Variants in CEACAM6 observed in about 807,000 individuals in gnomAD.
CEACAM6 encodes CEA cell adhesion molecule 6.
CEACAM6 carries 21 observed loss-of-function variants against 32.4 expected under a neutral mutation model. That is an observed-to-expected ratio of 0.65 (90% CI 0.46 to 0.93). The LOEUF (loss-of-function observed/expected upper bound fraction) is 0.93, where lower values mean the gene tolerates loss of function less well. Ranked by LOEUF, CEACAM6 falls within the 40% of genes least tolerant of loss-of-function variation. CEACAM6 has a pLI of 0.00. For synonymous variants in CEACAM6, 184 were observed against 174.4 expected, an observed-to-expected ratio of 1.06 and a Z score of -0.43; for missense variants, 406 against 432.2, an observed-to-expected ratio of 0.94 and a Z score of 0.54.
chr19:41,763,638 G>A (rs943049882), intron 4 of CEACAM6, among the ~76,000 whole-genome samples: 4 of 152,148 alleles, frequency 2.6e-5, no homozygotes, highest in African/African-American at 4.8e-5. Flanking sequence ...CCCTCAGATC[G>A]TTGTGCATCC....
chr19:41,762,566 C>A (rs1290585315), intron 4 of CEACAM6, among the ~76,000 whole-genome samples: 1 of 152,176 alleles, frequency 6.6e-6, no homozygotes, highest in Non-Finnish European at 1.5e-5. Context: ...CTGTCACCAA[C>A]AATTCCCTTT....
At chr19:41,767,790 T>C (rs1313131226) in intron 5 of CEACAM6, among the ~76,000 whole-genome samples, 2 of 152,184 alleles carry the variant, frequency 1.3e-5, no homozygotes, top group African/African-American at 4.8e-5. Context: ...CTATACTTTG[T>C]TGGCCTAATT....
chr19:41,761,526 C>T lies in CEACAM6; in HGVS notation c.702C>T (p.Leu234=). Residue 234 remains leucine (L), a splice_region_variant and synonymous_variant, in exon 3 of 6, where the codon CTC becomes CTT. Transcript: ENST00000199764. ...GTGACCCAGTCACCCTGAATGTCCTCTGTGAGTATCTTCTGTTCCTCTGTG... is the reference window on the plus strand; with the variant it reads ...GTGACCCAGTCACCCTGAATGTCCTTTGTGAGTATCTTCTGTTCCTCTGTG... The part of the protein sequence containing the change: ...NRSDPVTLNV[L]YGPDVPTISP... The T allele has an allele frequency of 1.2e-6, 2 of 1,613,912 alleles. No individual in the cohort carries two copies. The highest frequency in any genetic ancestry group is 1.7e-6 in the Non-Finnish European group (2 of 1,179,818).
intron 5 of CEACAM6, among the ~76,000 whole-genome samples, chr19:41,769,722 A>G (rs1482656363): frequency 1.8e-5 from 2 of 111,816 alleles, no homozygotes; most frequent in Non-Finnish European, 4.5e-5. Flanking sequence ...CAAAAAATAT[A>G]GTTATTAATA....
chr19:41,761,498 G>A lies in CEACAM6; in HGVS notation c.674G>A (p.Arg225His), dbSNP rs144169216. 296 of 1,614,154 alleles carry A rather than the reference G, an allele frequency of 1.8e-4. 3 individuals are homozygous for A. In the Middle Eastern group the frequency reaches 7.9e-3, roughly 43 times the overall value. Residue 225 changes from arginine to histidine, a missense_variant, in exon 3 of 6, where the codon CGC (arginine) becomes CAC (histidine). Arg to His is a conservative substitution (Grantham distance 29). Coordinates refer to ENST00000199764, the MANE Select transcript of CEACAM6 (RefSeq NM_002483.7). The part of the protein sequence containing the change: ...CEIQNPASAN[R>H]SDPVTLNVLY... ...ATACAGAACCCAGCGAGTGCCAACC[G>A]CAGTGACCCAGTCACCCTGAATGTC...
chr19:41,769,316 T>G (rs2072978052), intron 5 of CEACAM6, among the ~76,000 whole-genome samples: 2 of 152,160 alleles, frequency 1.3e-5, no homozygotes, highest in African/African-American at 4.8e-5. Context: ...GCTTCTTCAT[T>G]GAGGATATTT....
chr19:41,761,923 C>T (rs1310693726), intron 3 of CEACAM6, 46 bp from the exon 4 acceptor site: 8 of 1,605,488 alleles, frequency 5.0e-6, no homozygotes, highest in East Asian at 2.2e-5. Context: ...GGAACTTATG[C>T]TTCCCTCTGA....
At position 41,762,183 on chromosome 19, in the gene CEACAM6, T is replaced by C. The variant is rs1555821995; in HGVS notation, c.918T>C (p.Thr306=). The change falls in exon 4 of 6, where the codon ACT becomes ACC. Residue 306 remains threonine, a synonymous_variant. Coordinates refer to ENST00000199764, the MANE Select transcript of CEACAM6 (RefSeq NM_002483.7). The stretch of plus-strand genomic sequence containing the variant: ...TGTGCCAAGCCCATAACTCAGCCAC[T>C]GGCCTCAATAGGACCACAGTCACGA... ...SYMCQAHNSA[T]GLNRTTVTMI... is the part of the protein sequence containing the mutation. 3.1e-6 allele frequency: 5 copies of C among 1,614,058 alleles called. No individual in the cohort carries two copies. Among genetic ancestry groups the C allele is most frequent in the Non-Finnish European group, 1.7e-6 (2 of 1,180,038 alleles).
intron 1 of CEACAM6, among the ~76,000 whole-genome samples, chr19:41,756,161 C>T (rs2072883821): frequency 6.6e-6 from 1 of 152,130 alleles, no homozygotes; most frequent in Admixed American, 6.6e-5. Flanking sequence ...AGAGCTTATG[C>T]TGTCATGAAG....
At chr19:41,764,693 T>C (rs1262604059) in intron 4 of CEACAM6, among the ~76,000 whole-genome samples, 1 of 152,226 alleles carries the variant, frequency 6.6e-6, no homozygotes, top group Non-Finnish European at 1.5e-5. Context: ...CAACTTTTGG[T>C]TTCATTGACT....
At chr19:41,769,743 TA>T (rs1232882043) in intron 5 of CEACAM6, among the ~76,000 whole-genome samples, 1 of 148,926 alleles carries the variant, frequency 6.7e-6, no homozygotes. Context: ...TTAATTGTTA[TA>T]AAATAATTAT....
chr19:41,769,638 CCCTA>C (rs2072980009), intron 5 of CEACAM6, among the ~76,000 whole-genome samples: 1 of 151,556 alleles, frequency 6.6e-6, no homozygotes. Context: ...TATATTTTCT[CCCTA>C]CCTGACTGCT....
At chr19:41,770,333 G>T (rs367977171) in intron 5 of CEACAM6, among the ~76,000 whole-genome samples, 1 of 151,930 alleles carries the variant, frequency 6.6e-6, no homozygotes, top group Non-Finnish European at 1.5e-5. Context: ...TGAGGCAGGA[G>T]AATCACTTAA....
At chr19:41,759,049 C>G (rs979765349) in intron 2 of CEACAM6, among the ~76,000 whole-genome samples, 5 of 152,358 alleles carry the variant, frequency 3.3e-5, no homozygotes, top group Non-Finnish European at 5.9e-5. Flanking sequence ...GGCAGGATGA[C>G]AGGTCTGCTT....
Position 41,761,394 on chromosome 19 carries a change from G to C in CEACAM6, c.570G>C (p.Arg190Ser). ...GTCAGAGCCTCCCGGTCAGTCCCAG[G>C]CTGCAGCTGTCCAATGGCAACATGA... Reference protein sequence around the residue: ...VNGQSLPVSPRLQLSNGNMTL... With the variant: ...VNGQSLPVSPSLQLSNGNMTL... The change falls in exon 3 of 6, where the codon AGG becomes AGC. Residue 190 changes from arginine (R) to serine (S), a missense_variant. By Grantham distance (110) the Arg-to-Ser change is moderately radical (BLOSUM62 -1). Transcript: ENST00000199764. 6.2e-7 allele frequency: 1 copy of C among 1,614,174 alleles called. No individual in the cohort carries two copies. The highest frequency in any genetic ancestry group is 8.5e-7 in the Non-Finnish European group (1 of 1,180,042).
At chr19:41,761,041 A>T (rs1356629151) in intron 2 of CEACAM6, among the ~76,000 whole-genome samples, 2 of 152,146 alleles carry the variant, frequency 1.3e-5, no homozygotes, top group African/African-American at 4.8e-5. Context: ...CTTGAGAAAG[A>T]CTGTGCTTCT....
chr19:41,755,781 T>C (rs2072881587), intron 1 of CEACAM6, 79 bp downstream of exon 1: 1 of 1,241,556 alleles, frequency 8.1e-7, no homozygotes, highest in Non-Finnish European at 1.1e-6. Context: ...AGGACAAGGC[T>C]CTGAGAGGAG....
intron 4 of CEACAM6, among the ~76,000 whole-genome samples, 169 bp downstream of exon 4, chr19:41,762,392 TTTTTTTGTTTTTTGTTG>T (rs1184888932): frequency 1.3e-5 from 2 of 152,078 alleles, no homozygotes; most frequent in Non-Finnish European, 2.9e-5. Context: ...TTTCCCCTTG[TTTTTTTGTTTTTTGTTG>T]TTTTTTGTTT....
At chr19:41,756,113 T>C (rs1043964248) in intron 1 of CEACAM6, among the ~76,000 whole-genome samples, 6 of 152,164 alleles carry the variant, frequency 3.9e-5, no homozygotes, top group African/African-American at 7.2e-5. Context: ...TTTTAGTCAA[T>C]GGCATACAAC....
Sources: gnomAD v4.1 joint callset for allele counts (sites outside exome capture counted in the v4.1 genomes callset) on GRCh38, gnomAD v4.1.1 for gene constraint, MANE v1.5 for transcripts, NCBI Gene and HGNC (gene_info 2026-07-23, HGNC 2026-07-21) for gene names.